The following NETO1 variants were observed in gnomAD, a reference collection of about 807,000 sequenced individuals.
NETO1 encodes neuropilin and tolloid like 1.
A neutral mutation model predicts 61.3 loss-of-function variants in NETO1; 26 were observed. The observed-to-expected ratio is 0.42, with a 90% confidence interval of 0.31 to 0.59. NETO1 has a LOEUF of 0.59. NETO1 is among the 20% of genes least tolerant of loss of function. The pLI is 0.12. For missense variants in NETO1, 531 were observed against 662.8 expected, an observed-to-expected ratio of 0.80 and a Z score of 2.18; for synonymous variants, 225 against 225.8, an observed-to-expected ratio of 1.00 and a Z score of 0.03.
chr18:72,752,400 C>T (rs541742047), intron 8 of NETO1, among the ~76,000 whole-genome samples: 4 of 152,264 alleles, frequency 2.6e-5, no homozygotes, highest in Admixed American at 2.0e-4. Context: ...ACAGAGAGCC[C>T]TGTTAAAACC....
chr18:72,823,400 G>C (rs2073270648), intron 4 of NETO1, among the ~76,000 whole-genome samples: 1 of 152,148 alleles, frequency 6.6e-6, no homozygotes, highest in African/African-American at 2.4e-5. Context: ...GGAAGGCAGA[G>C]AGGGCAGAAA....
intron 4 of NETO1, among the ~76,000 whole-genome samples, chr18:72,816,921 C>T (rs1219482272): frequency 1.3e-5 from 2 of 152,122 alleles, no homozygotes; most frequent in African/African-American, 4.8e-5. Flanking sequence ...AAGATGATGT[C>T]GTGATGAGAA....
At chr18:72,814,367 C>G (rs1355096511) in intron 4 of NETO1, among the ~76,000 whole-genome samples, 4 of 151,374 alleles carry the variant, frequency 2.6e-5, no homozygotes, top group Admixed American at 1.3e-4. Context: ...CTTGAGTAAC[C>G]ACTAATAGGA....
chr18:72,796,545 C>T (rs569752737), intron 4 of NETO1, among the ~76,000 whole-genome samples: 2 of 152,166 alleles, frequency 1.3e-5, no homozygotes, highest in South Asian at 2.1e-4. Flanking sequence ...GCAGTGATCT[C>T]GTCTCACTGC....
chr18:72,817,503 G>T (rs766648177), intron 4 of NETO1, among the ~76,000 whole-genome samples: 2 of 152,130 alleles, frequency 1.3e-5, no homozygotes, highest in Non-Finnish European at 2.9e-5. Flanking sequence ...AAATGTTAGA[G>T]ATTTTTTTTT....
intron 7 of NETO1, among the ~76,000 whole-genome samples, chr18:72,763,212 T>C (rs545341529): frequency 1.3e-5 from 2 of 152,140 alleles, no homozygotes; most frequent in Non-Finnish European, 2.9e-5. Flanking sequence ...ACAGGCAGAT[T>C]TGAGACACTG....
chr18:72,865,019 C>T, intron 2 of NETO1, 74 bp from the exon 3 acceptor site: 1 of 1,488,944 alleles, frequency 6.7e-7, no homozygotes, highest in Non-Finnish European at 9.1e-7. Context: ...AGAGGACATT[C>T]TTATAATATC....
chr18:72,775,420 G>T (rs986668341), intron 7 of NETO1, among the ~76,000 whole-genome samples: 5 of 151,972 alleles, frequency 3.3e-5, no homozygotes, highest in Admixed American at 6.6e-5. Context: ...AAATATGATG[G>T]CTAAAAATGC....
At chr18:72,804,250 A>C (rs1379146246) in intron 4 of NETO1, among the ~76,000 whole-genome samples, 2 of 152,158 alleles carry the variant, frequency 1.3e-5, no homozygotes, top group East Asian at 3.9e-4. Flanking sequence ...TTTGAGACTA[A>C]AAAGCTGCAG....
intron 4 of NETO1, among the ~76,000 whole-genome samples, chr18:72,797,114 GAAT>G (rs2072342402): frequency 6.6e-6 from 1 of 151,984 alleles, no homozygotes; most frequent in African/African-American, 2.4e-5. Context: ...TTACTATTAA[GAAT>G]AATGCTTAAT....
At chr18:72,772,831 A>G (rs1413076854) in intron 7 of NETO1, among the ~76,000 whole-genome samples, 1 of 7,210 alleles carries the variant, frequency 1.4e-4, no homozygotes, top group African/African-American at 5.2e-4. Context: ...CTCTCTATAT[A>G]TATATATATA....
intron 4 of NETO1, among the ~76,000 whole-genome samples, chr18:72,839,796 GTTA>G (rs1470003743): frequency 0.017 from 9 of 520 alleles, no homozygotes; most frequent in Non-Finnish European, 0.12. Flanking sequence ...TTTAAGACAT[GTTA>G]TAAGTTTTTT....
chr18:72,795,293 A>G (rs1322585821), intron 4 of NETO1, among the ~76,000 whole-genome samples: 1 of 152,098 alleles, frequency 6.6e-6, no homozygotes, highest in Non-Finnish European at 1.5e-5. Flanking sequence ...GGTGTATACC[A>G]TTTTTCTGGC....
At chr18:72,824,000 G>C (rs1332449242) in intron 4 of NETO1, among the ~76,000 whole-genome samples, 1 of 152,232 alleles carries the variant, frequency 6.6e-6, no homozygotes, top group East Asian at 1.9e-4. Context: ...GGCCTGACTT[G>C]CGTTTTCAAA....
chr18:72,839,219 A>T (rs1330364101), intron 4 of NETO1, among the ~76,000 whole-genome samples: 1 of 152,236 alleles, frequency 6.6e-6, no homozygotes, highest in African/African-American at 2.4e-5. Context: ...TCCCAGTATG[A>T]GTAAAAAGAA....
chr18:72,842,557 G>A (rs1360917609), intron 4 of NETO1, among the ~76,000 whole-genome samples: 1 of 152,108 alleles, frequency 6.6e-6, no homozygotes, highest in Non-Finnish European at 1.5e-5. Flanking sequence ...AAGATGTTAA[G>A]AGCATAAAGC....
intron 7 of NETO1, among the ~76,000 whole-genome samples, chr18:72,776,043 C>CA (rs1023772571): frequency 9.9e-5 from 15 of 151,342 alleles, no homozygotes; most frequent in Non-Finnish European, 1.3e-4. Flanking sequence ...GTTTATTTCC[C>CA]AAAAAAACAA....
At chr18:72,848,835 A>G (rs2074166907) in intron 4 of NETO1, among the ~76,000 whole-genome samples, 1 of 152,126 alleles carries the variant, frequency 6.6e-6, no homozygotes, top group African/African-American at 2.4e-5. Flanking sequence ...TTCCATTTCA[A>G]TCTTTATATC....
chr18:72,846,147 T>C (rs775541196), intron 4 of NETO1, among the ~76,000 whole-genome samples: 1 of 151,512 alleles, frequency 6.6e-6, no homozygotes, highest in African/African-American at 2.4e-5. Context: ...AGATACAATG[T>C]TGATTCAGAG....
Sources: gnomAD v4.1 joint callset for allele counts (sites outside exome capture counted in the v4.1 genomes callset) on GRCh38, gnomAD v4.1.1 for gene constraint, MANE v1.5 for transcripts, NCBI Gene and HGNC (gene_info 2026-07-23, HGNC 2026-07-21) for gene names.